Variants in SORBS2 observed in about 807,000 individuals in gnomAD.
The protein encoded by SORBS2 is sorbin and SH3 domain-containing protein 2.
SORBS2 carries 46 observed loss-of-function variants against 97.7 expected under a neutral mutation model. The observed-to-expected ratio is 0.47, with a 90% confidence interval of 0.37 to 0.60. The LOEUF is 0.60. SORBS2 is among the 20% of genes least tolerant of loss of function. The pLI is 0.00. For missense variants in SORBS2, 1,316 were observed against 1,282.3 expected, an observed-to-expected ratio of 1.03 and a Z score of -0.40; for synonymous variants, 476 against 473.4, an observed-to-expected ratio of 1.01 and a Z score of -0.07.
At chr4:185,942,390 A>C (rs1197803400) in intron 1 of SORBS2, among the ~76,000 whole-genome samples, 3 of 149,482 alleles carry the variant, frequency 2.0e-5, no homozygotes, top group African/African-American at 4.9e-5. Context: ...TCACTTTGTC[A>C]CTCAGTCTGG....
At chr4:185,808,222 GA>G (rs1287139004) in intron 1 of SORBS2, among the ~76,000 whole-genome samples, 6 of 152,116 alleles carry the variant, frequency 3.9e-5, no homozygotes, top group African/African-American at 1.4e-4. Flanking sequence ...ATGCTGGAAT[GA>G]ATGCAATAAT....
chr4:185,801,211 T>A (rs368524832), intron 1 of SORBS2, among the ~76,000 whole-genome samples: 1 of 152,250 alleles, frequency 6.6e-6, no homozygotes, highest in African/African-American at 2.4e-5. Context: ...CAGGATTTTC[T>A]TCTTTTTTAG....
intron 1 of SORBS2, among the ~76,000 whole-genome samples, chr4:185,898,432 C>G (rs2149822248): frequency 6.6e-6 from 1 of 152,260 alleles, no homozygotes; most frequent in Middle Eastern, 3.4e-3. Context: ...GGAAAATTTC[C>G]CAAACATATA....
chr4:185,662,257 A>G lies in SORBS2; in HGVS notation c.-45-15T>C, dbSNP rs750431263. The G allele has an allele frequency of 1.3e-5, 20 of 1,589,218 alleles. No homozygotes were observed. In the East Asian group the frequency reaches 4.5e-4, roughly 36 times the overall value. ...GTTATCTGGCTCTGAGAAAAGCGCAAAGGCATCGAGTTAAATTAGCACATA... is the reference window on the plus strand; with the variant it reads ...GTTATCTGGCTCTGAGAAAAGCGCAGAGGCATCGAGTTAAATTAGCACATA... On this transcript the variant is annotated splice_polypyrimidine_tract_variant and intron_variant, in intron 4 of 20. Coordinates refer to the SORBS2 transcript ENST00000284776.
rs1387159995 is a variant in SORBS2, at chr4:185,610,679, A to ATCT, written c.2796+1098_2796+1100dup. ...AAGTAGTTTAGGTCACTGGGATGCT[A>ATCT]TCTTGAAACAGTTTTTTCATCGGAA... On this transcript the variant is annotated intron_variant, in intron 12 of 14. Transcript: ENST00000418609. Among the ~76,000 whole-genome samples the ATCT allele has an allele frequency of 3.3e-5, 5 of 152,122 alleles. No individual in the cohort carries two copies. In the East Asian group the frequency reaches 9.6e-4, roughly 29 times the overall value.
chr4:185,588,593 C>CCCTCCTCCTCCTCCCTCCT (rs1580350759), intron 14 of SORBS2, among the ~76,000 whole-genome samples: 6 of 65,098 alleles, frequency 9.2e-5, no homozygotes, highest in South Asian at 1.0e-3. Flanking sequence ...CGTTTCTCCT[C>CCCTCCTCCTCCTCCCTCCT]CCTCCTCCTC....
intron 1 of SORBS2, among the ~76,000 whole-genome samples, chr4:185,835,080 A>G (rs1460337238): frequency 3.3e-5 from 5 of 152,110 alleles, no homozygotes; most frequent in African/African-American, 7.2e-5. Context: ...ATCTCTCCCT[A>G]AGTCTTGCTC....
upstream of SORBS2, among the ~76,000 whole-genome samples, chr4:185,661,819 G>A (rs1193879252): frequency 1.3e-5 from 2 of 152,104 alleles, no homozygotes; most frequent in African/African-American, 2.4e-5. Context: ...TCCTCCAGTG[G>A]CACAAACCCC....
chr4:185,937,533 C>T (rs968629193), intron 1 of SORBS2, among the ~76,000 whole-genome samples: 1 of 152,194 alleles, frequency 6.6e-6, no homozygotes, highest in Non-Finnish European at 1.5e-5. Flanking sequence ...AGCCCAGGAA[C>T]AAATGCACTA....
chr4:185,683,825 G>A (rs955187155), intron 2 of SORBS2, among the ~76,000 whole-genome samples: 10 of 152,142 alleles, frequency 6.6e-5, no homozygotes, highest in African/African-American at 2.2e-4. Flanking sequence ...TTAAGTGGCT[G>A]TAAAGCGAAG....
At chr4:185,777,345 G>A (rs1192879101) in intron 1 of SORBS2, among the ~76,000 whole-genome samples, 1 of 151,992 alleles carries the variant, frequency 6.6e-6, no homozygotes, top group African/African-American at 2.4e-5. Context: ...GTTTCTCTTG[G>A]CCTCAATGTG....
upstream of SORBS2, chr4:185,657,002 C>A: frequency 1.0e-6 from 1 of 997,170 alleles, no homozygotes; most frequent in South Asian, 3.9e-5. Context: ...TAACACACAT[C>A]TATTTCAAAA....
At chr4:185,881,144 C>T (rs1352591380) in intron 1 of SORBS2, among the ~76,000 whole-genome samples, 1 of 152,042 alleles carries the variant, frequency 6.6e-6, no homozygotes, top group African/African-American at 2.4e-5. Flanking sequence ...CAAGGTCAAA[C>T]ATGGTTAAAT....
chr4:185,840,330 T>C (rs1255537695), intron 1 of SORBS2, among the ~76,000 whole-genome samples: 2 of 152,190 alleles, frequency 1.3e-5, no homozygotes, highest in African/African-American at 4.8e-5. Flanking sequence ...ACCAAAAATA[T>C]CTCTCATTCA....
intron 1 of SORBS2, among the ~76,000 whole-genome samples, chr4:185,939,227 T>A (rs992555306): frequency 6.6e-6 from 1 of 152,218 alleles, no homozygotes; most frequent in African/African-American, 2.4e-5. Context: ...GAACTGTCCA[T>A]CCTTCTCTCA....
At chr4:185,938,395 C>T (rs1214092746) in intron 1 of SORBS2, among the ~76,000 whole-genome samples, 15 of 130,810 alleles carry the variant, frequency 1.1e-4, no homozygotes, top group African/African-American at 4.5e-4. Context: ...CACATACACA[C>T]ACACACACAC....
chr4:185,844,047 A>G (rs2099213094), intron 1 of SORBS2, among the ~76,000 whole-genome samples: 1 of 152,220 alleles, frequency 6.6e-6, no homozygotes, highest in Non-Finnish European at 1.5e-5. Context: ...GGAGGAAGGC[A>G]GTTCACATAG....
intron 7 of SORBS2, among the ~76,000 whole-genome samples, chr4:185,621,863 C>T (rs2096725825): frequency 6.6e-6 from 1 of 152,126 alleles, no homozygotes; most frequent in South Asian, 2.1e-4. Context: ...CCTCTCTGGG[C>T]CCAACTTCCA....
chr4:185,933,135 T>C (rs930483327), intron 1 of SORBS2: 5 of 152,168 alleles, frequency 3.3e-5, no homozygotes, highest in African/African-American at 1.2e-4. Context: ...TAATGACCAG[T>C]TGTCTCAAGG....
Sources: allele counts gnomAD v4.1 joint callset (sites outside exome capture counted in the v4.1 genomes callset), GRCh38; gene constraint gnomAD v4.1.1; transcripts MANE v1.5; gene names NCBI Gene and HGNC (gene_info 2026-07-23, HGNC 2026-07-21).